SFSWAP: variants seen among roughly 807,000 people sequenced by gnomAD.
The protein encoded by SFSWAP is splicing factor SWAP.
SFSWAP carries 17 observed loss-of-function variants against 100.7 expected under a neutral mutation model. The observed-to-expected ratio is 0.17, with a 90% confidence interval of 0.12 to 0.25. The LOEUF (loss-of-function observed/expected upper bound fraction) is 0.25. SFSWAP is among the 10% of genes least tolerant of loss of function. SFSWAP has a pLI of 1.00. For synonymous variants in SFSWAP, 504 were observed against 510.1 expected (o/e 0.99, Z 0.16); for missense variants, 1,005 against 1,262.6 (o/e 0.80, Z 3.09).
chr12:131,711,765 C>G lies in SFSWAP; in HGVS notation c.218+318C>G. 2.9e-6 allele frequency: 1 copy of G among 343,202 alleles called. No individual in the cohort carries two copies. The highest frequency in any genetic ancestry group is 6.4e-5 in the East Asian group (1 of 15,748). 21.3% of individuals were successfully genotyped at this position (343,202 alleles called of 1,614,324 possible). ...TCCGCGCGGTGAAAGCAGCCAGTGC[C>G]CAGGGTCTTTTCCTGAGTGCACCTG... On this transcript the variant is annotated intron_variant, in intron 1 of 17. Transcript: ENST00000261674. This position sits in a 1 kb window ranked among gnomAD's most constrained non-coding sequence, Gnocchi z 4.9.
Position 131,786,548 on chromosome 12 carries a change from A to T in SFSWAP, c.2494A>T (p.Ser832Cys). The change falls in exon 15 of 18, where the codon AGC becomes TGC. Residue 832 changes from serine (S) to cysteine (C), a missense_variant. Physicochemically the swap from Ser to Cys is moderately radical, Grantham distance 112. Coordinates refer to ENST00000261674, the MANE Select transcript of SFSWAP (RefSeq NM_004592.4). ...ERSVPTAYRV[S>C]RSPGASRKRT... is the part of the protein sequence containing the mutation. Reference sequence around the variant, plus strand: ...GAGTGTGCCCACTGCCTACCGCGTGAGCCGCAGCCCTGGGGCCAGTAGGAA... The same window carrying T: ...GAGTGTGCCCACTGCCTACCGCGTGTGCCGCAGCCCTGGGGCCAGTAGGAA... 1 of 1,588,366 alleles carries T rather than the reference A, an allele frequency of 6.3e-7. No individual in the cohort carries two copies. Among genetic ancestry groups the T allele is most frequent in the Non-Finnish European group, 8.6e-7 (1 of 1,168,466 alleles).
intron 7 of SFSWAP, among the ~76,000 whole-genome samples, chr12:131,728,701 T>C (rs1879222305): frequency 6.6e-6 from 1 of 150,822 alleles, no homozygotes; most frequent in Non-Finnish European, 1.5e-5. Flanking sequence ...TGCCCTTCTT[T>C]CTTTTTTTTT....
Position 131,719,479 on chromosome 12 carries a change from G to A in SFSWAP, c.546G>A (p.Glu182=). Residue 182 remains glutamate, a synonymous_variant, in exon 4 of 18, where the codon GAG becomes GAA. Coordinates refer to ENST00000261674, the MANE Select transcript of SFSWAP (RefSeq NM_004592.4). Reference sequence around the variant, plus strand: ...AAAAAAATGAGGCCGAAAATTTAGAGGAAAATGAAGAGCCCTTCGTTGCCC... The same window carrying A: ...AAAAAAATGAGGCCGAAAATTTAGAAGAAAATGAAGAGCCCTTCGTTGCCC... ...QREKNEAENL[E]ENEEPFVAPL... is the part of the protein sequence containing the mutation. 6.2e-7 allele frequency: 1 copy of A among 1,614,154 alleles called. No homozygotes were observed. The highest frequency in any genetic ancestry group is 8.5e-7 in the Non-Finnish European group (1 of 1,180,010).
intron 11 of SFSWAP, chr12:131,758,125 C>T (rs1383191682): frequency 3.9e-5 from 6 of 152,900 alleles, no homozygotes; most frequent in Admixed American, 2.0e-4. Context: ...GCCTGCTGCC[C>T]CAGGGTTTGT....
chr12:131,739,102 T>G (rs1234777236), intron 7 of SFSWAP, among the ~76,000 whole-genome samples: 1 of 151,982 alleles, frequency 6.6e-6, no homozygotes, highest in Non-Finnish European at 1.5e-5. Flanking sequence ...GATGTTAAAC[T>G]CCTGGGCTCA....
chr12:131,756,684 A>T (rs7136191), intron 11 of SFSWAP, 40 bp downstream of exon 11: 1 of 1,510,704 alleles, frequency 6.6e-7, no homozygotes, highest in Non-Finnish European at 8.9e-7. Context: ...ACATTCCACC[A>T]TAAGTTGGCA....
chr12:131,729,290 G>A (rs375366750), intron 7 of SFSWAP, among the ~76,000 whole-genome samples: 2 of 152,114 alleles, frequency 1.3e-5, no homozygotes, highest in African/African-American at 4.8e-5. Context: ...GATCACTTAC[G>A]CACAGGAGTT....
chr12:131,740,834 A>G (rs1441356305), intron 7 of SFSWAP, among the ~76,000 whole-genome samples: 4 of 151,936 alleles, frequency 2.6e-5, no homozygotes, highest in Non-Finnish European at 4.4e-5. Flanking sequence ...CCCAGCCTCT[A>G]TGCAGCCCCT....
At chr12:131,735,136 G>T (rs1368809650) in intron 7 of SFSWAP, among the ~76,000 whole-genome samples, 2 of 152,188 alleles carry the variant, frequency 1.3e-5, no homozygotes, top group African/African-American at 2.4e-5. Flanking sequence ...TGGGTCTGGG[G>T]GACAAGGGAA....
chr12:131,761,105 G>T (rs770323024), intron 11 of SFSWAP, among the ~76,000 whole-genome samples: 16 of 152,102 alleles, frequency 1.1e-4, no homozygotes, highest in Non-Finnish European at 2.4e-4. Context: ...AACGAGCTGT[G>T]CCCCCATTTT....
chr12:131,777,266 A>G (rs1677109144), intron 13 of SFSWAP, among the ~76,000 whole-genome samples: 1 of 152,122 alleles, frequency 6.6e-6, no homozygotes, highest in Admixed American at 6.5e-5. Context: ...AACGTTAGGT[A>G]TATCTCCTAA....
intron 11 of SFSWAP, 36 bp from the exon 12 acceptor site, chr12:131,764,418 CTG>C (rs1882943455): frequency 6.4e-7 from 1 of 1,556,744 alleles, no homozygotes; most frequent in Non-Finnish European, 8.8e-7. Flanking sequence ...GATTTCCACT[CTG>C]TAACATGTAT....
chr12:131,736,772 T>C (rs1244440055), intron 7 of SFSWAP, among the ~76,000 whole-genome samples: 5 of 152,160 alleles, frequency 3.3e-5, no homozygotes, highest in Admixed American at 2.6e-4. Context: ...ATTTTGTATA[T>C]GCGAGTTTGG....
chr12:131,745,629 G>A (rs915768863), intron 7 of SFSWAP, among the ~76,000 whole-genome samples: 5 of 152,166 alleles, frequency 3.3e-5, no homozygotes, highest in African/African-American at 9.7e-5. Context: ...CTGTGAATAA[G>A]GCAGCACTCT....
intron 15 of SFSWAP, among the ~76,000 whole-genome samples, chr12:131,788,448 G>A (rs1425554974): frequency 6.6e-6 from 1 of 152,056 alleles, no homozygotes. Flanking sequence ...GTAATTACTG[G>A]TTAATTTTGT....
intron 3 of SFSWAP, among the ~76,000 whole-genome samples, chr12:131,715,561 A>C (rs898796368): frequency 6.6e-6 from 1 of 152,258 alleles, no homozygotes; most frequent in African/African-American, 2.4e-5. Context: ...GGGCTCGTGT[A>C]GTATAGACAC....
At chr12:131,738,127 C>T (rs944767672) in intron 7 of SFSWAP, among the ~76,000 whole-genome samples, 17 of 152,004 alleles carry the variant, frequency 1.1e-4, no homozygotes, top group African/African-American at 1.7e-4. Context: ...TAAACCATTG[C>T]GCATGGCTAC....
intron 7 of SFSWAP, among the ~76,000 whole-genome samples, chr12:131,741,632 C>T (rs986345702): frequency 4.2e-5 from 6 of 142,516 alleles, no homozygotes; most frequent in East Asian, 2.0e-4. Context: ...GGCAACACAG[C>T]GAGACTCTGT....
At chr12:131,798,891 G>GA (rs745708733) in intron 16 of SFSWAP, 146 bp from the exon 17 acceptor site, 47,113 of 511,710 alleles carry the variant, frequency 0.092, 1 homozygote, top group South Asian at 0.11. Context: ...CTCTTGTCTG[G>GA]AAAAAAAAAA....
Sources: gnomAD v4.1 joint callset for allele counts (sites outside exome capture counted in the v4.1 genomes callset) on GRCh38, gnomAD v4.1.1 for gene constraint, Gnocchi (gnomAD v3.1) non-coding constraint, MANE v1.5 for transcripts, NCBI Gene and HGNC (gene_info 2026-07-23, HGNC 2026-07-21) for gene names.